Variants in CSMD1 observed in about 807,000 individuals in gnomAD.
CSMD1 encodes the protein CUB and Sushi multiple domains 1.
CSMD1 carries 213 observed loss-of-function variants against 417.5 expected under a neutral mutation model. The ratio of observed to expected loss-of-function variants is 0.51; its 90% CI spans 0.46 to 0.57. CSMD1 has a LOEUF of 0.57. Ranked by LOEUF, CSMD1 falls within the 20% of genes least tolerant of loss-of-function variation. The pLI is 0.00. For missense variants in CSMD1, 6,923 were observed against 4,529.7 expected, an observed-to-expected ratio of 1.53 and a Z score of -15.17; for synonymous variants, 2,862 against 1,736.8, an observed-to-expected ratio of 1.65 and a Z score of -16.11.
chr8:4,208,695 T>C (rs1036613266), intron 3 of CSMD1, among the ~76,000 whole-genome samples: 3 of 151,984 alleles, frequency 2.0e-5, no homozygotes, highest in African/African-American at 7.3e-5. Context: ...AGTCAAGAAA[T>C]GATTAAAAAT....
At chr8:4,587,254 G>A (rs1055948009) in intron 2 of CSMD1, among the ~76,000 whole-genome samples, 5 of 152,082 alleles carry the variant, frequency 3.3e-5, no homozygotes, top group African/African-American at 1.2e-4. Flanking sequence ...ACACTGAAAT[G>A]AGTACTGGGA....
intron 2 of CSMD1, among the ~76,000 whole-genome samples, chr8:4,609,937 C>T (rs951306900): frequency 6.6e-6 from 1 of 152,076 alleles, no homozygotes; most frequent in Non-Finnish European, 1.5e-5. Context: ...GGTAAGTATT[C>T]CTATGCTGGC....
chr8:3,988,308 G>T (rs897673641), intron 5 of CSMD1, among the ~76,000 whole-genome samples: 1 of 152,186 alleles, frequency 6.6e-6, no homozygotes, highest in Admixed American at 6.5e-5. Flanking sequence ...TTTCAACAGA[G>T]ACAAAAGAGC....
intron 2 of CSMD1, among the ~76,000 whole-genome samples, chr8:4,490,921 G>A (rs553742210): frequency 9.2e-5 from 14 of 152,324 alleles, no homozygotes; most frequent in African/African-American, 3.4e-4. Flanking sequence ...ACTTATCACA[G>A]GAGTGGATAA....
chr8:4,050,148 C>A (rs1798348756), intron 3 of CSMD1, among the ~76,000 whole-genome samples: 1 of 152,110 alleles, frequency 6.6e-6, no homozygotes, highest in Non-Finnish European at 1.5e-5. Context: ...TCGCAGCATG[C>A]CAGGGACACG....
chr8:3,417,674 AAC>A (rs1813240984), intron 12 of CSMD1, among the ~76,000 whole-genome samples: 1 of 152,226 alleles, frequency 6.6e-6, no homozygotes, highest in African/African-American at 2.4e-5. Flanking sequence ...GAGTAAAAGC[AAC>A]AGTTTCTTGT....
At chr8:3,471,587 C>G (rs1287382208) in intron 11 of CSMD1, among the ~76,000 whole-genome samples, 1 of 143,018 alleles carries the variant, frequency 7.0e-6, no homozygotes, top group African/African-American at 2.6e-5. Context: ...TCTCTCCTTC[C>G]TTCCCTCCCT....
intron 3 of CSMD1, among the ~76,000 whole-genome samples, chr8:4,092,157 C>A (rs1209321947): frequency 6.6e-6 from 1 of 152,114 alleles, no homozygotes; most frequent in Admixed American, 6.5e-5. Context: ...TTAAATTCTA[C>A]TAAAGAGGAC....
intron 3 of CSMD1, among the ~76,000 whole-genome samples, chr8:4,317,250 T>C (rs1798987424): frequency 6.6e-6 from 1 of 152,170 alleles, no homozygotes; most frequent in Admixed American, 6.5e-5. Context: ...ATTTTTCTTT[T>C]TTTTACTATG....
At position 4,958,612 on chromosome 8, in the gene CSMD1, T is replaced by C. The variant is rs145049513; in HGVS notation, c.85+35720A>G. Among the ~76,000 whole-genome samples the C allele has an allele frequency of 6.6e-3, 1,001 of 152,298 alleles. 11 individuals carry two copies. The highest frequency in any genetic ancestry group is 7.5e-3 in the Non-Finnish European group (511 of 68,024). Reference sequence around the variant, plus strand: ...GGCAGTGTTCTGAGTTCTGCTACAATAATAAGCTATTCAAGTATGGGATCT... The same window carrying C: ...GGCAGTGTTCTGAGTTCTGCTACAACAATAAGCTATTCAAGTATGGGATCT... On this transcript the variant is annotated intron_variant, in intron 1 of 69. Coordinates refer to ENST00000635120, the MANE Select transcript of CSMD1 (RefSeq NM_033225.6).
chr8:4,686,456 G>A (rs905232560), intron 1 of CSMD1, among the ~76,000 whole-genome samples: 13 of 152,320 alleles, frequency 8.5e-5, no homozygotes, highest in East Asian at 1.9e-4. Flanking sequence ...GGCCTTGTGC[G>A]AGAGGGGGCC....
intron 3 of CSMD1, among the ~76,000 whole-genome samples, chr8:4,075,871 G>C (rs1485247997): frequency 6.6e-6 from 1 of 152,090 alleles, no homozygotes; most frequent in African/African-American, 2.4e-5. Flanking sequence ...GTTCATATCT[G>C]TTCTAGCCCA....
intron 1 of CSMD1, among the ~76,000 whole-genome samples, chr8:4,897,807 G>C (rs140953724): frequency 1.3e-5 from 2 of 152,080 alleles, no homozygotes; most frequent in African/African-American, 4.8e-5. Context: ...ATACAGAAGA[G>C]ACAGAGACTT....
At chr8:3,988,570 C>G (rs1306649799) in intron 5 of CSMD1, among the ~76,000 whole-genome samples, 1 of 152,154 alleles carries the variant, frequency 6.6e-6, no homozygotes, top group Non-Finnish European at 1.5e-5. Flanking sequence ...TCACGGTCTG[C>G]ATTTTGAAAA....
At chr8:3,096,357 G>A (rs896104970) in intron 47 of CSMD1, among the ~76,000 whole-genome samples, 5 of 150,684 alleles carry the variant, frequency 3.3e-5, no homozygotes, top group African/African-American at 4.8e-5. Flanking sequence ...TCATGTGGGT[G>A]GGTCTTTCCC....
intron 1 of CSMD1, among the ~76,000 whole-genome samples, chr8:4,702,810 G>C (rs900617732): frequency 6.6e-6 from 1 of 152,004 alleles, no homozygotes; most frequent in Non-Finnish European, 1.5e-5. Context: ...ATAATAGCGG[G>C]ATTCATCATA....
intron 9 of CSMD1, among the ~76,000 whole-genome samples, chr8:3,580,114 G>A (rs76425249): frequency 0.038 from 5,846 of 151,846 alleles, 374 homozygotes; most frequent in African/African-American, 0.13. Flanking sequence ...AAAAAGAAAA[G>A]AAAATAAAAA....
At chr8:3,463,799 C>A (rs756927049) in intron 12 of CSMD1, among the ~76,000 whole-genome samples, 8 of 152,184 alleles carry the variant, frequency 5.3e-5, no homozygotes, top group Non-Finnish European at 1.0e-4. Flanking sequence ...CTCAAAAGTT[C>A]CGTCTGCCAA....
intron 12 of CSMD1, among the ~76,000 whole-genome samples, chr8:3,466,472 C>T (rs778350264): frequency 9.9e-5 from 15 of 151,684 alleles, no homozygotes; most frequent in Admixed American, 3.9e-4. Flanking sequence ...TGCAGTGGCA[C>T]GATCTTGGCT....
Sources: allele counts gnomAD v4.1 joint callset (sites outside exome capture counted in the v4.1 genomes callset), GRCh38; gene constraint gnomAD v4.1.1; transcripts MANE v1.5; gene names NCBI Gene and HGNC (gene_info 2026-07-23, HGNC 2026-07-21).